The following SDK1 variants were observed in gnomAD, a reference collection of about 807,000 sequenced individuals.
SDK1 encodes sidekick cell adhesion molecule 1, also known as protein sidekick-1.
SDK1 carries 157 observed loss-of-function variants against 245.5 expected under a neutral mutation model. The ratio of observed to expected loss-of-function variants is 0.64; its 90% CI spans 0.56 to 0.73. The LOEUF (loss-of-function observed/expected upper bound fraction) is 0.73. Among genes scored for constraint, SDK1 ranks in the 30% least tolerant of loss-of-function variants. The pLI, the probability that SDK1 is intolerant of heterozygous loss-of-function variation, is 0.00. For missense variants in SDK1, 3,583 were observed against 3,002.3 expected (o/e 1.19, Z -4.52); for synonymous variants, 1,647 against 1,278.5 (o/e 1.29, Z -6.15).
In SDK1 at chr7:4,038,381, A is replaced by AT. The variant is rs35948306; in HGVS notation, c.2603-10956dup. Among the ~76,000 whole-genome samples the AT allele has an allele frequency of 4.4e-3, 652 of 149,590 alleles. 5 individuals are homozygous for AT. The highest frequency in any genetic ancestry group is 0.014 in the African/African-American group (588 of 41,056). On this transcript the variant is annotated intron_variant, in intron 17 of 44. Transcript: ENST00000404826. ...CGGGGCAAACAATTGAAGACAGGGA[A>AT]TTTTTTTTTTTGTACCTTAAATAGT... is the stretch of plus-strand genomic sequence containing the variant.
intron 4 of SDK1, among the ~76,000 whole-genome samples, chr7:3,730,865 C>T (rs537641663): frequency 4.6e-4 from 70 of 152,048 alleles, no homozygotes; most frequent in Non-Finnish European, 8.5e-4. Context: ...GCTTTGGCTC[C>T]CAGACTAGAG....
At chr7:4,201,667 G>A (rs1783889159) in intron 35 of SDK1, among the ~76,000 whole-genome samples, 1 of 152,142 alleles carries the variant, frequency 6.6e-6, no homozygotes, top group South Asian at 2.1e-4. Flanking sequence ...GGTGACAGGA[G>A]GCGCCTGGCG....
intron 4 of SDK1, among the ~76,000 whole-genome samples, chr7:3,662,202 A>G (rs565944731): frequency 2.5e-4 from 38 of 152,292 alleles, no homozygotes; most frequent in Non-Finnish European, 5.4e-4. Context: ...AACAATAGGT[A>G]AAATGGAACT....
At chr7:3,487,579 AAAAC>A (rs772315816) in intron 1 of SDK1, among the ~76,000 whole-genome samples, 47 of 151,946 alleles carry the variant, frequency 3.1e-4, no homozygotes, top group African/African-American at 1.1e-3. Flanking sequence ...CTGTTACTAC[AAAAC>A]AAACAAACAA....
chr7:3,573,294 C>G (rs1780174913), intron 1 of SDK1, among the ~76,000 whole-genome samples: 2 of 152,086 alleles, frequency 1.3e-5, no homozygotes, highest in African/African-American at 4.8e-5. Context: ...GACAGTATGG[C>G]CTGCACAGGC....
At chr7:4,196,462 G>C (rs772155606) in intron 35 of SDK1, among the ~76,000 whole-genome samples, 1 of 152,180 alleles carries the variant, frequency 6.6e-6, no homozygotes, top group East Asian at 1.9e-4. Flanking sequence ...TCCCCTGGAC[G>C]TGCGGTGCCG....
chr7:3,520,289 C>T (rs1016347362), intron 1 of SDK1, among the ~76,000 whole-genome samples: 12 of 152,084 alleles, frequency 7.9e-5, no homozygotes, highest in East Asian at 3.9e-4. Context: ...AAATTCTGTC[C>T]GGTTTCAATG....
At position 3,658,723 on chromosome 7, in the gene SDK1, T is replaced by C. The variant is rs6943054; in HGVS notation, c.713+16618T>C. Among the ~76,000 whole-genome samples, 647 of 150,130 alleles carry C rather than the reference T, an allele frequency of 4.3e-3. 13 individuals carry two copies. The highest frequency in any genetic ancestry group is 0.015 in the African/African-American group (630 of 40,776). On this transcript the variant is annotated intron_variant, in intron 4 of 44. Coordinates refer to ENST00000404826, the MANE Select transcript of SDK1 (RefSeq NM_152744.4). ...TCCACCTCCCAGGTTCAAGAAATCC[T>C]CATGTCTCAGCCTCCTGAGTAGCTG... is the stretch of plus-strand genomic sequence containing the variant.
rs539275171 is a variant in SDK1, at chr7:4,010,620, A to G, written c.2132-346A>G. Among the ~76,000 whole-genome samples, 14 of 152,338 alleles carry G rather than the reference A, an allele frequency of 9.2e-5. No homozygotes were observed. In the South Asian group the frequency reaches 1.4e-3, roughly 16 times the overall value. On this transcript the variant is annotated intron_variant, in intron 14 of 44. Transcript: ENST00000404826. ...TCCTTTTCTGGGAGACAAATCTGCA[A>G]TCTGCCTAACCATGTGAGCCGACGG...
At chr7:3,713,694 T>A (rs533818318) in intron 4 of SDK1, among the ~76,000 whole-genome samples, 1 of 152,340 alleles carries the variant, frequency 6.6e-6, no homozygotes, top group East Asian at 1.9e-4. Context: ...TGATCACTGA[T>A]CATAGAACCT....
At chr7:3,924,974 C>T (rs1583572219) in intron 5 of SDK1, among the ~76,000 whole-genome samples, 1 of 152,176 alleles carries the variant, frequency 6.6e-6, no homozygotes, top group African/African-American at 2.4e-5. Context: ...CAGCTTAAGC[C>T]TCTCCAGGGC....
At chr7:3,780,380 G>A (rs899036573) in intron 4 of SDK1, among the ~76,000 whole-genome samples, 4 of 152,180 alleles carry the variant, frequency 2.6e-5, no homozygotes, top group African/African-American at 9.7e-5. Context: ...CAGTGCCTAG[G>A]GTCAGGTAGA....
chr7:4,032,121 C>G (rs10229207), intron 17 of SDK1, among the ~76,000 whole-genome samples: 47,355 of 151,614 alleles, frequency 0.31, 11,302 homozygotes, highest in African/African-American at 0.67. Flanking sequence ...AGAATGCAGA[C>G]AAATGCACCA....
intron 1 of SDK1, among the ~76,000 whole-genome samples, chr7:3,435,176 G>T (rs60238676): frequency 3.4e-4 from 51 of 150,676 alleles, no homozygotes; most frequent in African/African-American, 1.2e-3. Flanking sequence ...TTTTTTTTTT[G>T]AAATCTTTTT....
chr7:3,657,939 C>T (rs1423807912), intron 4 of SDK1, among the ~76,000 whole-genome samples: 1 of 152,152 alleles, frequency 6.6e-6, no homozygotes, highest in Non-Finnish European at 1.5e-5. Flanking sequence ...ATACCTTTGT[C>T]ATCATTTTCG....
intron 8 of SDK1, among the ~76,000 whole-genome samples, chr7:3,959,978 C>T (rs1387714605): frequency 6.6e-6 from 1 of 152,112 alleles, no homozygotes; most frequent in East Asian, 1.9e-4. Context: ...TTAAGAAAAG[C>T]TGTGTTTGTA....
intron 5 of SDK1, among the ~76,000 whole-genome samples, chr7:3,944,072 G>C (rs1254817546): frequency 6.6e-6 from 1 of 152,212 alleles, no homozygotes; most frequent in Non-Finnish European, 1.5e-5. Flanking sequence ...AAGTGCTTGA[G>C]GGAAGGAGTG....
At chr7:3,573,402 G>A (rs1780178417) in intron 1 of SDK1, among the ~76,000 whole-genome samples, 1 of 152,096 alleles carries the variant, frequency 6.6e-6, no homozygotes, top group Non-Finnish European at 1.5e-5. Flanking sequence ...GCCAGCCTTG[G>A]GATGATTTAT....
chr7:4,225,517 T>C (rs535700869), intron 40 of SDK1, among the ~76,000 whole-genome samples: 48 of 152,230 alleles, frequency 3.2e-4, no homozygotes, highest in African/African-American at 1.1e-3. Context: ...AAGGCATTGG[T>C]TCTCAGGCTT....
Sources: gnomAD v4.1 joint callset for allele counts (sites outside exome capture counted in the v4.1 genomes callset) on GRCh38, gnomAD v4.1.1 for gene constraint, MANE v1.5 for transcripts, NCBI Gene and HGNC (gene_info 2026-07-23, HGNC 2026-07-21) for gene names.